Variants in PBX1 observed in about 807,000 individuals in gnomAD.
PBX1 encodes pre-B-cell leukemia transcription factor 1.
PBX1 carries 6 observed loss-of-function variants against 53.4 expected under a neutral mutation model. The observed-to-expected ratio is 0.11, with a 90% CI of 0.06 to 0.22. PBX1 has a LOEUF of 0.22. PBX1 is among the 10% of genes least tolerant of loss of function. PBX1 has a pLI of 1.00. For missense variants in PBX1, 251 were observed against 551.4 expected (o/e 0.46, Z 5.46); for synonymous variants, 204 against 212.3 (o/e 0.96, Z 0.34).
chr1:164,747,656 T>C (rs1261096865), intron 2 of PBX1, among the ~76,000 whole-genome samples: 2 of 152,178 alleles, frequency 1.3e-5, no homozygotes, highest in Non-Finnish European at 2.9e-5. Flanking sequence ...GCTTGCTGTC[T>C]CTTCTTAGGC....
chr1:164,610,227 A>G (rs907669623), intron 2 of PBX1, among the ~76,000 whole-genome samples: 1 of 152,178 alleles, frequency 6.6e-6, no homozygotes, highest in South Asian at 2.1e-4. Flanking sequence ...GATTTGAGGG[A>G]CTGGAATTGT....
chr1:164,817,700 A>G (rs146045974), intron 6 of PBX1: 1 of 152,264 alleles, frequency 6.6e-6, no homozygotes, highest in Non-Finnish European at 1.5e-5. Flanking sequence ...ACCTGTGTCA[A>G]TTGCAATGTG....
chr1:164,750,218 T>C (rs35051178), intron 2 of PBX1, among the ~76,000 whole-genome samples: 2,142 of 151,100 alleles, frequency 0.014, 30 homozygotes, highest in Non-Finnish European at 0.021. Context: ...TGCTCATTGC[T>C]AACTGTGTGT....
At chr1:164,577,512 G>C (rs1654335503) in intron 2 of PBX1, among the ~76,000 whole-genome samples, 1 of 152,192 alleles carries the variant, frequency 6.6e-6, no homozygotes, top group Admixed American at 6.5e-5. Context: ...GCAGGAAGGG[G>C]CTGTCATCAT....
intron 2 of PBX1, among the ~76,000 whole-genome samples, chr1:164,627,869 G>A (rs1658145568): frequency 6.6e-6 from 1 of 152,154 alleles, no homozygotes; most frequent in Non-Finnish European, 1.5e-5. Flanking sequence ...ACATCACTGT[G>A]TTAGAGAAGA....
chr1:164,578,326 CTCTT>C (rs1189856549), intron 2 of PBX1, among the ~76,000 whole-genome samples: 4 of 152,204 alleles, frequency 2.6e-5, no homozygotes, highest in African/African-American at 9.7e-5. Context: ...TTGGTGAAAA[CTCTT>C]TATCTTCCAC....
At position 164,783,409 on chromosome 1, in the gene PBX1, C is replaced by T. The variant is rs533594477; in HGVS notation, c.266-9085C>T. ...GGGGGTGTCTGTGTGCATTTGTGTG[C>T]GTGCGTGTATGTGTGTATGTATATT... is the stretch of plus-strand genomic sequence containing the variant. On this transcript the variant is annotated intron_variant, in intron 2 of 8. Coordinates refer to ENST00000420696, the MANE Select transcript of PBX1 (RefSeq NM_002585.4). Among the ~76,000 whole-genome samples the T allele has an allele frequency of 7.9e-5, 12 of 151,992 alleles. No individual in the cohort carries two copies. The East Asian group carries it at 9.7e-4, about 12-fold the overall frequency.
intron 2 of PBX1, among the ~76,000 whole-genome samples, chr1:164,608,832 T>G (rs1385509779): frequency 6.6e-6 from 1 of 151,928 alleles, no homozygotes; most frequent in African/African-American, 2.4e-5. Flanking sequence ...TGGTACAAGG[T>G]TGGTAGGAGG....
intron 6 of PBX1, chr1:164,815,948 A>T (rs928457169): frequency 6.6e-6 from 1 of 152,194 alleles, no homozygotes; most frequent in Non-Finnish European, 1.5e-5. Context: ...TTCATGCCCT[A>T]TGAGAAGTTT....
chr1:164,665,159 A>G (rs572579151), intron 2 of PBX1, among the ~76,000 whole-genome samples: 17 of 152,362 alleles, frequency 1.1e-4, no homozygotes, highest in African/African-American at 3.6e-4. Context: ...ACATAGCTGT[A>G]TCGGTCAGAA....
At chr1:164,785,658 C>T (rs1668138441) in intron 2 of PBX1, among the ~76,000 whole-genome samples, 1 of 152,178 alleles carries the variant, frequency 6.6e-6, no homozygotes, top group Non-Finnish European at 1.5e-5. Flanking sequence ...AAGTCGGAGC[C>T]CATATCTGGG....
intron 2 of PBX1, among the ~76,000 whole-genome samples, chr1:164,874,057 C>T (rs1286277567): frequency 4.0e-5 from 6 of 151,376 alleles, no homozygotes; most frequent in African/African-American, 1.5e-4. Context: ...AGGGCACACA[C>T]CTTTTGTTCT....
At chr1:164,598,928 T>A (rs961182960) in intron 2 of PBX1, among the ~76,000 whole-genome samples, 1 of 152,178 alleles carries the variant, frequency 6.6e-6, no homozygotes. Context: ...TGCCCCAGGT[T>A]ATTCAACAGG....
chr1:164,688,810 T>C (rs1162270484), intron 2 of PBX1, among the ~76,000 whole-genome samples: 2 of 152,214 alleles, frequency 1.3e-5, no homozygotes, highest in African/African-American at 2.4e-5. Context: ...TAGGATCTGA[T>C]TTCCTGAACT....
chr1:164,723,065 TC>T (rs1469832797), intron 2 of PBX1, among the ~76,000 whole-genome samples: 5 of 152,136 alleles, frequency 3.3e-5, no homozygotes, highest in African/African-American at 1.2e-4. Flanking sequence ...AGCTCAATGC[TC>T]TCATTTTATA....
chr1:164,655,449 G>C (rs901302503), intron 2 of PBX1, among the ~76,000 whole-genome samples: 11 of 152,106 alleles, frequency 7.2e-5, no homozygotes, highest in African/African-American at 2.7e-4. Flanking sequence ...CTTCTACAGA[G>C]CACCATGCTA....
At chr1:164,671,406 G>A (rs1489213939) in intron 2 of PBX1, among the ~76,000 whole-genome samples, 1 of 152,128 alleles carries the variant, frequency 6.6e-6, no homozygotes, top group Non-Finnish European at 1.5e-5. Context: ...TTAAATGACT[G>A]CACGTTGACA....
intron 2 of PBX1, among the ~76,000 whole-genome samples, chr1:164,742,136 C>G (rs892126249): frequency 2.6e-5 from 4 of 152,108 alleles, no homozygotes; most frequent in African/African-American, 9.7e-5. Flanking sequence ...ATTAGGGAAA[C>G]CTGTAGATAT....
At chr1:164,874,356 G>A (rs1367356291) in intron 2 of PBX1, among the ~76,000 whole-genome samples, 10 of 152,142 alleles carry the variant, frequency 6.6e-5, no homozygotes, top group Admixed American at 5.9e-4. Context: ...TATATTTTAT[G>A]TAAGCATATG....
Sources: allele counts gnomAD v4.1 joint callset (sites outside exome capture counted in the v4.1 genomes callset), GRCh38; gene constraint gnomAD v4.1.1; transcripts MANE v1.5; gene names NCBI Gene and HGNC (gene_info 2026-07-23, HGNC 2026-07-21).